IRS1: variants seen among roughly 807,000 people sequenced by gnomAD.
IRS1 encodes insulin receptor substrate 1.
IRS1 carries 34 observed loss-of-function variants against 65.6 expected under a neutral mutation model. The observed-to-expected ratio is 0.52, with a 90% CI of 0.39 to 0.69. The LOEUF is 0.69. Ranked by LOEUF, IRS1 falls within the 30% of genes least tolerant of loss-of-function variation. The probability of loss-of-function intolerance (pLI) is 0.00; values close to 1 mark genes in which losing one functional copy is unlikely to be tolerated. For missense variants in IRS1, 1,641 were observed against 1,720.2 expected, an observed-to-expected ratio of 0.95 and a Z score of 0.81; for synonymous variants, 699 against 683.5, an observed-to-expected ratio of 1.02 and a Z score of -0.35.
chr2:226,747,439 G>C (rs1190771622), intron 1 of IRS1, among the ~76,000 whole-genome samples: 1 of 152,006 alleles, frequency 6.6e-6, no homozygotes, highest in Non-Finnish European at 1.5e-5. Flanking sequence ...ACCACAGGAG[G>C]CTACAATAAG....
chr2:226,768,301 G>A (rs1431924736), intron 1 of IRS1, among the ~76,000 whole-genome samples: 2 of 152,078 alleles, frequency 1.3e-5, no homozygotes, highest in Admixed American at 6.6e-5. Context: ...AAAACTCCAC[G>A]AACACAGAAA....
chr2:226,758,706 T>A (rs1938852207), intron 1 of IRS1, among the ~76,000 whole-genome samples: 1 of 151,708 alleles, frequency 6.6e-6, no homozygotes. Flanking sequence ...GCTAGAAATG[T>A]GGAAATGAAA....
rs1939707832 is a variant in IRS1, at chr2:226,795,798, C to T, written c.2941G>A (p.Ala981Thr). Reference protein sequence around the residue: ...GAASICRPTRAVPSSRGDYMT... With the variant: ...GAASICRPTRTVPSSRGDYMT... ...TAGTCACCCCGGCTGCTGGGCACTG[C>T]CCGGGTAGGCCTGCAAATGCTAGCA... Residue 981 changes from alanine to threonine, a missense_variant, in exon 1 of 2, where the codon GCA becomes ACA. Around this residue, in one of 3 missense-constraint regions of IRS1, gnomAD observed 1,324 missense variants for 1,361.0 expected, o/e 0.97. Coordinates refer to ENST00000305123, the MANE Select transcript of IRS1 (RefSeq NM_005544.3). 1 of 1,613,084 alleles carries T rather than the reference C, an allele frequency of 6.2e-7. No homozygotes were observed. Among genetic ancestry groups the T allele is most frequent in the Non-Finnish European group, 8.5e-7 (1 of 1,179,816 alleles).
rs1237148979 is a variant in IRS1, at chr2:226,733,345, C to G, written c.*2927G>C. The G allele has an allele frequency of 6.6e-6, 1 of 152,226 alleles. No homozygotes were observed. The highest frequency in any genetic ancestry group is 3.4e-3 in the Middle Eastern group (1 of 294). The allele number at this position is 152,226 out of a possible 1,614,324, so 9.4% of individuals were successfully genotyped here. On this transcript the variant is annotated 3_prime_UTR_variant, in exon 2 of 2. Coordinates refer to ENST00000305123, the MANE Select transcript of IRS1 (RefSeq NM_005544.3). ...CACTGGATTAGTCAAGAGTCCTTGACCTTTGAAAGTCAGCAAGAAATAGCC... is the reference window on the plus strand; with the variant it reads ...CACTGGATTAGTCAAGAGTCCTTGAGCTTTGAAAGTCAGCAAGAAATAGCC...
intron 1 of IRS1, among the ~76,000 whole-genome samples, chr2:226,777,996 T>C (rs986995336): frequency 6.6e-6 from 1 of 152,138 alleles, no homozygotes; most frequent in African/African-American, 2.4e-5. Context: ...AATTATAAAA[T>C]ATTTTCTATT....
intron 1 of IRS1, among the ~76,000 whole-genome samples, chr2:226,788,121 T>A (rs1168417258): frequency 1.3e-5 from 2 of 152,082 alleles, no homozygotes; most frequent in Non-Finnish European, 2.9e-5. Flanking sequence ...TCAGGGAGGA[T>A]CAGAGAACAT....
At chr2:226,786,096 G>A (rs888807186) in intron 1 of IRS1, among the ~76,000 whole-genome samples, 7 of 148,780 alleles carry the variant, frequency 4.7e-5, no homozygotes, top group African/African-American at 1.2e-4. Context: ...TGGCTGCATC[G>A]TATTCCATGG....
rs141181919 is a variant in IRS1 at position 226,796,066 on chromosome 2, C to G, written c.2673G>C (p.Lys891Asn). The G allele has an allele frequency of 1.6e-5, 26 of 1,613,898 alleles. No homozygotes were observed. The highest frequency in any genetic ancestry group is 2.1e-5 in the Non-Finnish European group (25 of 1,180,058). The change falls in exon 1 of 2, where the codon AAG becomes AAC. Residue 891 changes from lysine (K) to asparagine (N), a missense_variant. Transcript: ENST00000305123. ...CAATATTGACATATTCCCCCGGGCT[C>G]TTGGGCTCTGGAGGGTGCAGCAAGG... Reference protein sequence around the residue: ...QQPLLHPPEPKSPGEYVNIEF... With the variant: ...QQPLLHPPEPNSPGEYVNIEF...
rs942150215 is a variant in IRS1 at position 226,798,829 on chromosome 2, T to C, written c.-91A>G. On this transcript the variant is annotated 5_prime_UTR_variant, in exon 1 of 2. It removes an upstream start codon present in the reference 5' UTR. Coordinates refer to ENST00000305123, the MANE Select transcript of IRS1 (RefSeq NM_005544.3). The surrounding 1 kb of genome is among the most constrained non-coding windows in gnomAD (Gnocchi z 9.4). ...AGGCTCCTCGCCGCGGCCCGGCACA[T>C]GCAAACAGGGCTGGAGGCAGCAGAA... is the stretch of plus-strand genomic sequence containing the variant. The C allele has an allele frequency of 7.4e-5, 114 of 1,548,554 alleles. No homozygotes were observed. Among genetic ancestry groups the C allele is most frequent in the Admixed American group, 2.4e-4 (12 of 51,052 alleles).
chr2:226,793,956 T>A (rs1939657169), intron 1 of IRS1, among the ~76,000 whole-genome samples: 1 of 152,206 alleles, frequency 6.6e-6, no homozygotes, highest in African/African-American at 2.4e-5. Flanking sequence ...TTTCAGCATT[T>A]ACTGTGGTGT....
chr2:226,760,372 T>A (rs994466841), intron 1 of IRS1, among the ~76,000 whole-genome samples: 4 of 152,220 alleles, frequency 2.6e-5, no homozygotes, highest in Admixed American at 2.0e-4. Flanking sequence ...ATCAAGAATC[T>A]CATTCTTACT....
At chr2:226,772,381 T>C (rs979477176) in intron 1 of IRS1, among the ~76,000 whole-genome samples, 4 of 152,188 alleles carry the variant, frequency 2.6e-5, no homozygotes, top group South Asian at 2.1e-4. Flanking sequence ...GGAATGACAG[T>C]TCCCAGGAGG....
intron 1 of IRS1, among the ~76,000 whole-genome samples, chr2:226,754,432 G>A (rs929858250): frequency 3.3e-5 from 5 of 152,306 alleles, no homozygotes; most frequent in Admixed American, 6.5e-5. Flanking sequence ...CGTGAACAGC[G>A]TTAATATGCA....
chr2:226,789,016 T>C (rs1430967282), intron 1 of IRS1, among the ~76,000 whole-genome samples: 1 of 152,230 alleles, frequency 6.6e-6, no homozygotes, highest in East Asian at 1.9e-4. Flanking sequence ...GCTTCAAGCA[T>C]GATTCACAAG....
chr2:226,797,246 G>C lies in IRS1; in HGVS notation c.1493C>G (p.Thr498Arg). 1 of 1,613,606 alleles carries C rather than the reference G, an allele frequency of 6.2e-7. No homozygotes were observed. The highest frequency in any genetic ancestry group is 8.5e-7 in the Non-Finnish European group (1 of 1,179,968). Residue 498 changes from threonine to arginine, a missense_variant, in exon 1 of 2, where the codon ACA becomes AGA. Physicochemically the swap from Thr to Arg is moderately conservative, Grantham distance 71. Transcript: ENST00000305123. This position sits in a 1 kb window ranked among gnomAD's most constrained non-coding sequence, Gnocchi z 8.1. ...GGNGHRCTPG[T>R]GLGTSPALAG... ...CAAGGCTGGACTCGTGCCCAAGCCTGTTCCTGGGGTGCAGCGGTGGCCATT... is the reference window on the plus strand; with the variant it reads ...CAAGGCTGGACTCGTGCCCAAGCCTCTTCCTGGGGTGCAGCGGTGGCCATT...
chr2:226,738,209 G>GT (rs1194292499), intron 1 of IRS1, among the ~76,000 whole-genome samples: 1 of 152,166 alleles, frequency 6.6e-6, no homozygotes, highest in Non-Finnish European at 1.5e-5. Context: ...TACACGCAAC[G>GT]TAAGTGTGGA....
In IRS1 at chr2:226,733,323, T is replaced by C. The variant is rs974738024; in HGVS notation, c.*2949A>G. 20 of 152,222 alleles carry C rather than the reference T, an allele frequency of 1.3e-4. No homozygotes were observed. Among genetic ancestry groups the C allele is most frequent in the African/African-American group, 4.1e-4 (17 of 41,462 alleles). 9.4% of individuals were successfully genotyped at this position (152,222 alleles called of 1,614,324 possible). A position where few individuals can be genotyped will look rare whatever the true frequency, so the allele number is the denominator to read the frequency against. On this transcript the variant is annotated 3_prime_UTR_variant, in exon 2 of 2. Transcript: ENST00000305123. ...TTAGTAGATCCATTTTTGCAGTCAC[T>C]GGATTAGTCAAGAGTCCTTGACCTT...
chr2:226,774,903 A>G (rs1182420275), intron 1 of IRS1, among the ~76,000 whole-genome samples: 2 of 152,230 alleles, frequency 1.3e-5, no homozygotes, highest in African/African-American at 2.4e-5. Context: ...TGTAGAGACA[A>G]TAAACAGATC....
intron 1 of IRS1, among the ~76,000 whole-genome samples, chr2:226,755,013 A>T (rs1938765641): frequency 6.6e-6 from 1 of 152,244 alleles, no homozygotes; most frequent in Admixed American, 6.5e-5. Context: ...GCCAAAAGGT[A>T]AAGCGTGAGG....
Sources: allele counts gnomAD v4.1 joint callset (sites outside exome capture counted in the v4.1 genomes callset), GRCh38; gene constraint gnomAD v4.1.1; regional missense constraint gnomAD v4.1.1; non-coding constraint Gnocchi (gnomAD v3.1); transcripts MANE v1.5; gene names NCBI Gene and HGNC (gene_info 2026-07-23, HGNC 2026-07-21).